GABBR2: variants seen among roughly 807,000 people sequenced by gnomAD.
GABBR2 encodes the protein gamma-aminobutyric acid type B receptor subunit 2, also known as G-protein coupled receptor 51.
In GABBR2, 23 loss-of-function variants were observed where a neutral mutation model predicts 105.6. That is an observed-to-expected ratio of 0.22 (90% confidence interval 0.16 to 0.31). GABBR2 has a LOEUF of 0.31. Among genes scored for constraint, GABBR2 ranks in the 10% least tolerant of loss-of-function variants. The pLI is 1.00. For missense variants in GABBR2, 734 were observed against 1,245.5 expected (o/e 0.59, Z 6.18); for synonymous variants, 478 against 499.7 (o/e 0.96, Z 0.58).
chr9:98,529,366 C>T (rs1324923432), intron 3 of GABBR2, among the ~76,000 whole-genome samples: 2 of 152,222 alleles, frequency 1.3e-5, no homozygotes, highest in Admixed American at 6.5e-5. Flanking sequence ...GTCACGGTGA[C>T]GGAGTCACGG....
chr9:98,357,364 T>A (rs958698401), intron 13 of GABBR2, among the ~76,000 whole-genome samples: 3 of 152,170 alleles, frequency 2.0e-5, no homozygotes, highest in Admixed American at 2.0e-4. Context: ...ATTAAATACA[T>A]CTGCTGGGCA....
At chr9:98,324,601 C>A (rs572252160) in intron 13 of GABBR2, among the ~76,000 whole-genome samples, 1 of 151,810 alleles carries the variant, frequency 6.6e-6, no homozygotes, top group Admixed American at 6.6e-5. Context: ...TTCAGAGAGG[C>A]GAGTGCACTG....
intron 3 of GABBR2, among the ~76,000 whole-genome samples, chr9:98,512,029 T>C (rs188588691): frequency 0.023 from 3,560 of 152,108 alleles, 53 homozygotes; most frequent in Non-Finnish European, 0.035. Flanking sequence ...GCAAACCAAA[T>C]CCAGCAGCAC....
chr9:98,550,100 A>T (rs189322599), intron 2 of GABBR2, among the ~76,000 whole-genome samples: 1 of 152,338 alleles, frequency 6.6e-6, no homozygotes, highest in East Asian at 1.9e-4. Flanking sequence ...CCTAGTTCTC[A>T]GTATACAAAT....
chr9:98,316,038 AG>A (rs1830710773), intron 13 of GABBR2, among the ~76,000 whole-genome samples: 1 of 152,258 alleles, frequency 6.6e-6, no homozygotes, highest in African/African-American at 2.4e-5. Context: ...TGCAGACATC[AG>A]GGTCAGGGCC....
At chr9:98,544,647 C>G (rs1280814860) in intron 2 of GABBR2, among the ~76,000 whole-genome samples, 1 of 152,124 alleles carries the variant, frequency 6.6e-6, no homozygotes, top group Non-Finnish European at 1.5e-5. Context: ...GGTGTGCAAG[C>G]AAAGACTGGA....
chr9:98,628,232 G>T (rs543240919), intron 1 of GABBR2, among the ~76,000 whole-genome samples: 1 of 152,268 alleles, frequency 6.6e-6, no homozygotes, highest in East Asian at 1.9e-4. Context: ...GACCAGGGAA[G>T]CTTCAGCGAA....
chr9:98,422,875 C>T (rs553790771), intron 7 of GABBR2, among the ~76,000 whole-genome samples: 7 of 149,446 alleles, frequency 4.7e-5, no homozygotes, highest in African/African-American at 1.5e-4. Context: ...GGTTTTTTGT[C>T]CTTGCGATAG....
At chr9:98,438,147 A>G in intron 7 of GABBR2, among the ~76,000 whole-genome samples, 1 of 146,428 alleles carries the variant, frequency 6.8e-6, no homozygotes, top group South Asian at 2.2e-4. Flanking sequence ...CCCACACGTT[A>G]TCCCTCCATC....
intron 3 of GABBR2, among the ~76,000 whole-genome samples, chr9:98,538,810 G>A (rs1828232075): frequency 6.6e-6 from 1 of 152,164 alleles, no homozygotes. Context: ...ATGAAAAGCT[G>A]TTAGCCCCTG....
chr9:98,387,941 C>T (rs924417235), intron 10 of GABBR2, among the ~76,000 whole-genome samples: 1 of 152,132 alleles, frequency 6.6e-6, no homozygotes. Context: ...CCCGACAGCC[C>T]ACGAGTTCAT....
chr9:98,308,751 C>A (rs1387224377), intron 14 of GABBR2, among the ~76,000 whole-genome samples: 4 of 152,186 alleles, frequency 2.6e-5, no homozygotes, highest in Non-Finnish European at 5.9e-5. Context: ...TTCAGAGGGA[C>A]CACAAGTGTC....
At chr9:98,666,423 G>C (rs765237600) in intron 1 of GABBR2, among the ~76,000 whole-genome samples, 3 of 152,184 alleles carry the variant, frequency 2.0e-5, no homozygotes, top group African/African-American at 4.8e-5. Flanking sequence ...GGTAGGTCTA[G>C]AGACATTGCC....
intron 13 of GABBR2, among the ~76,000 whole-genome samples, chr9:98,343,290 T>C (rs1831245643): frequency 6.6e-6 from 1 of 152,164 alleles, no homozygotes; most frequent in Non-Finnish European, 1.5e-5. Flanking sequence ...GAGAGAAGAC[T>C]TCGGGGTGTG....
chr9:98,540,530 G>C (rs1400722517), intron 3 of GABBR2, among the ~76,000 whole-genome samples: 1 of 152,192 alleles, frequency 6.6e-6, no homozygotes, highest in Non-Finnish European at 1.5e-5. Flanking sequence ...CAGAGCTGCA[G>C]TGGAAACCAG....
chr9:98,472,997 A>G, intron 6 of GABBR2, 149 bp downstream of exon 6: 1 of 647,492 alleles, frequency 1.5e-6, no homozygotes, highest in South Asian at 1.8e-5. Flanking sequence ...TGTACATACC[A>G]CATTTTACAG....
At chr9:98,693,871 T>C (rs1467562716) in intron 1 of GABBR2, among the ~76,000 whole-genome samples, 3 of 152,248 alleles carry the variant, frequency 2.0e-5, no homozygotes, top group African/African-American at 7.2e-5. Context: ...GGCCACAGCA[T>C]GCAGAGAATT....
intron 3 of GABBR2, among the ~76,000 whole-genome samples, chr9:98,540,593 G>A (rs934802141): frequency 6.6e-6 from 1 of 152,154 alleles, no homozygotes; most frequent in Non-Finnish European, 1.5e-5. Context: ...CACCCTGCCC[G>A]GCCTTTCCCC....
At chr9:98,605,370 T>C (rs915168829) in intron 1 of GABBR2, among the ~76,000 whole-genome samples, 3 of 152,218 alleles carry the variant, frequency 2.0e-5, no homozygotes, top group African/African-American at 7.2e-5. Context: ...CCCAGGACGG[T>C]ACTGCAGATC....
Sources: allele counts gnomAD v4.1 joint callset (sites outside exome capture counted in the v4.1 genomes callset), GRCh38; gene constraint gnomAD v4.1.1; transcripts MANE v1.5; gene names NCBI Gene and HGNC (gene_info 2026-07-23, HGNC 2026-07-21).